SNTG2: variants seen among roughly 807,000 people sequenced by gnomAD.
SNTG2 encodes the protein syntrophin gamma 2, also known as gamma-2-syntrophin.
In SNTG2, 74 loss-of-function variants were observed where a neutral mutation model predicts 70.9. The observed-to-expected ratio is 1.04, with a 90% CI of 0.86 to 1.27. The LOEUF (loss-of-function observed/expected upper bound fraction) is 1.27, where lower values mean the gene tolerates loss of function less well. SNTG2 is among the 50% of genes most tolerant of loss of function. The pLI, the probability that SNTG2 is intolerant of heterozygous loss-of-function variation, is 0.00. For missense variants in SNTG2, 717 were observed against 690.7 expected (o/e 1.04, Z -0.43); for synonymous variants, 278 against 273.8 (o/e 1.02, Z -0.15).
intron 11 of SNTG2, among the ~76,000 whole-genome samples, chr2:1,241,405 G>C (rs929066819): frequency 5.9e-5 from 9 of 152,194 alleles, no homozygotes; most frequent in Non-Finnish European, 1.2e-4. Flanking sequence ...GACTTTTGTA[G>C]CTATACTGGA....
intron 16 of SNTG2, among the ~76,000 whole-genome samples, chr2:1,340,425 C>A (rs1660027300): frequency 6.6e-6 from 1 of 152,214 alleles, no homozygotes; most frequent in Admixed American, 6.5e-5. Context: ...AGGAGAGATT[C>A]TTTTGCAAAG....
At chr2:1,202,439 T>G (rs1288401586) in intron 8 of SNTG2, among the ~76,000 whole-genome samples, 1 of 151,048 alleles carries the variant, frequency 6.6e-6, no homozygotes. Flanking sequence ...ACCCCTACAG[T>G]CAATGAGGAG....
intron 7 of SNTG2, among the ~76,000 whole-genome samples, chr2:1,170,699 T>C: frequency 6.6e-6 from 1 of 152,230 alleles, no homozygotes; most frequent in South Asian, 2.1e-4. Flanking sequence ...TATATCTGTG[T>C]ATACGGACCC....
At chr2:1,137,492 G>A (rs1192525467) in intron 4 of SNTG2, 130 bp from the exon 5 acceptor site, 3 of 848,504 alleles carry the variant, frequency 3.5e-6, no homozygotes, top group African/African-American at 1.7e-5. Context: ...ATCTGCTCAC[G>A]TGGACACATG....
intron 1 of SNTG2, among the ~76,000 whole-genome samples, chr2:959,761 T>C (rs112766807): frequency 0.019 from 2,932 of 151,260 alleles, 84 homozygotes; most frequent in African/African-American, 0.067. Context: ...TTTGGGGATG[T>C]GATTTGAATC....
At chr2:986,969 TTATA>T (rs1261481698) in intron 1 of SNTG2, among the ~76,000 whole-genome samples, 2 of 152,244 alleles carry the variant, frequency 1.3e-5, no homozygotes, top group African/African-American at 2.4e-5. Flanking sequence ...TCGATTATCG[TTATA>T]TATGTTTTTA....
intron 1 of SNTG2, among the ~76,000 whole-genome samples, chr2:980,503 T>C (rs1661061618): frequency 6.6e-6 from 1 of 152,260 alleles, no homozygotes; most frequent in Admixed American, 6.5e-5. Context: ...CACGTTTTCA[T>C]CTTGTTTCAT....
chr2:1,051,177 C>A (rs1662046620), intron 1 of SNTG2, among the ~76,000 whole-genome samples: 1 of 145,196 alleles, frequency 6.9e-6, no homozygotes, highest in South Asian at 2.4e-4. Context: ...TTCCTCCCTC[C>A]CTCCTTCCTT....
At chr2:1,219,688 AGGGAGGGGAGTGGAGGGGAGGCGAG>A (rs1002642671) in intron 9 of SNTG2, among the ~76,000 whole-genome samples, 5 of 138,396 alleles carry the variant, frequency 3.6e-5, no homozygotes, top group African/African-American at 1.3e-4. Context: ...AAGAAAGGGA[AGGGAGGGGAGTGGAGGGGAGGCGAG>A]GGGAGGGGAG....
At chr2:1,133,569 A>C (rs1390513750) in intron 4 of SNTG2, among the ~76,000 whole-genome samples, 1 of 152,218 alleles carries the variant, frequency 6.6e-6, no homozygotes, top group Non-Finnish European at 1.5e-5. Flanking sequence ...AACTAGAATC[A>C]CTTTTCAGCT....
chr2:1,221,299 C>CTAG (rs1674762246), intron 9 of SNTG2, among the ~76,000 whole-genome samples: 1 of 6,090 alleles, frequency 1.6e-4, no homozygotes, highest in African/African-American at 9.0e-4. Flanking sequence ...GTCTCTCTGT[C>CTAG]CCTCTCTGTC....
chr2:966,070 G>T (rs1324005863), intron 1 of SNTG2, among the ~76,000 whole-genome samples: 1 of 152,168 alleles, frequency 6.6e-6, no homozygotes, highest in Non-Finnish European at 1.5e-5. Context: ...CATGCCCAGG[G>T]TCCCCCGCGG....
chr2:1,312,612 C>G (rs767699102), intron 15 of SNTG2, among the ~76,000 whole-genome samples: 4 of 152,194 alleles, frequency 2.6e-5, no homozygotes, highest in Admixed American at 6.5e-5. Context: ...GCAGGATTCA[C>G]TCGTTCTTGG....
intron 4 of SNTG2, among the ~76,000 whole-genome samples, chr2:1,128,122 A>G (rs1409882868): frequency 1.3e-5 from 2 of 151,878 alleles, no homozygotes; most frequent in East Asian, 3.9e-4. Flanking sequence ...TTCTGTACCT[A>G]TTTACTGAGA....
chr2:1,069,489 GAAAA>G (rs5828802), intron 1 of SNTG2, among the ~76,000 whole-genome samples: 4 of 143,860 alleles, frequency 2.8e-5, no homozygotes, highest in African/African-American at 7.7e-5. Flanking sequence ...CTGAGGCTAG[GAAAA>G]AAAAAAAAAC....
chr2:996,428 C>A (rs1013170400), intron 1 of SNTG2, among the ~76,000 whole-genome samples: 4 of 152,042 alleles, frequency 2.6e-5, no homozygotes, highest in Non-Finnish European at 4.4e-5. Flanking sequence ...GTGTTCCTTA[C>A]ACCTTGTAGA....
At chr2:1,129,164 G>A (rs983301840) in intron 4 of SNTG2, among the ~76,000 whole-genome samples, 1 of 152,196 alleles carries the variant, frequency 6.6e-6, no homozygotes, top group South Asian at 2.1e-4. Flanking sequence ...TTTGCTATTC[G>A]TTCATTCATT....
At chr2:958,433 T>G (rs1224685347) in intron 1 of SNTG2, among the ~76,000 whole-genome samples, 4 of 152,210 alleles carry the variant, frequency 2.6e-5, no homozygotes, top group African/African-American at 9.7e-5. Flanking sequence ...GATGTTGAGA[T>G]CATGCAGAGT....
chr2:1,051,812 T>G (rs1434990245), intron 1 of SNTG2, among the ~76,000 whole-genome samples: 1 of 152,214 alleles, frequency 6.6e-6, no homozygotes, highest in African/African-American at 2.4e-5. Flanking sequence ...GCAGCTGGGC[T>G]GCAGTCTCTG....
Sources: allele counts gnomAD v4.1 joint callset (sites outside exome capture counted in the v4.1 genomes callset), GRCh38; gene constraint gnomAD v4.1.1; transcripts MANE v1.5; gene names NCBI Gene and HGNC (gene_info 2026-07-23, HGNC 2026-07-21).